Variants in ZMYND11 observed in about 807,000 individuals in gnomAD.
ZMYND11 encodes the protein zinc finger MYND domain-containing protein 11.
In ZMYND11, 9 loss-of-function variants were observed where a neutral mutation model predicts 84.9. The observed-to-expected ratio is 0.11, with a 90% CI of 0.06 to 0.18. The LOEUF (loss-of-function observed/expected upper bound fraction) is 0.18. Among genes scored for constraint, ZMYND11 ranks in the 10% least tolerant of loss-of-function variants. ZMYND11 has a pLI of 1.00. For synonymous variants in ZMYND11, 250 were observed against 244.1 expected, an observed-to-expected ratio of 1.02 and a Z score of -0.23; for missense variants, 409 against 761.0, an observed-to-expected ratio of 0.54 and a Z score of 5.44.
At chr10:144,364 G>A (rs34679544) in intron 1 of ZMYND11, among the ~76,000 whole-genome samples, 5,564 of 152,062 alleles carry the variant, frequency 0.037, 166 homozygotes, top group Middle Eastern at 0.068. Context: ...GACTATAGGC[G>A]CATGCCACCA....
intron 14 of ZMYND11, chr10:249,769 CTA>C (rs1320348236): frequency 1.0e-6 from 1 of 984,758 alleles, no homozygotes; most frequent in Non-Finnish European, 1.2e-6. Context: ...TAATAAATGA[CTA>C]TATAAAGTTT....
At chr10:219,872 T>G (rs1322205544) in intron 3 of ZMYND11, among the ~76,000 whole-genome samples, 1 of 152,188 alleles carries the variant, frequency 6.6e-6, no homozygotes, top group South Asian at 2.1e-4. Context: ...GACTGCCAAT[T>G]TCTTAATAAA....
intron 5 of ZMYND11, 120 bp downstream of exon 5, chr10:237,035 G>T (rs1950107319): frequency 2.3e-6 from 2 of 867,746 alleles, no homozygotes; most frequent in African/African-American, 1.7e-5. Flanking sequence ...GAAGTGTGGA[G>T]AGCACCCCGT....
At chr10:144,710 A>G (rs1838317934) in intron 1 of ZMYND11, among the ~76,000 whole-genome samples, 1 of 128,804 alleles carries the variant, frequency 7.8e-6, no homozygotes, top group Admixed American at 8.5e-5. Context: ...CTGGGCTCTA[A>G]TTTTTTATTT....
Position 240,078 on chromosome 10 carries a change from T to C in ZMYND11, c.720T>C (p.Ile240=). 6.2e-7 allele frequency: 1 copy of C among 1,612,354 alleles called. No individual in the cohort carries two copies. The highest frequency in any genetic ancestry group is 8.5e-7 in the Non-Finnish European group (1 of 1,179,090). ...CAGCAGACAGTGAGCAAGCTGACATTGCGAGGATGCTATATAAAGACACAT... is the reference window on the plus strand; with the variant it reads ...CAGCAGACAGTGAGCAAGCTGACATCGCGAGGATGCTATATAAAGACACAT... ...FYGADSEQAD[I]ARMLYKDTCH... The change falls in exon 8 of 15, where the codon ATT becomes ATC. Residue 240 remains isoleucine, a synonymous_variant. Coordinates refer to ENST00000381604, the MANE Select transcript of ZMYND11 (RefSeq NM_001370100.5).
At chr10:172,656 A>G (rs945349615) in intron 1 of ZMYND11, among the ~76,000 whole-genome samples, 1 of 152,176 alleles carries the variant, frequency 6.6e-6, no homozygotes, top group African/African-American at 2.4e-5. Context: ...AATATTGTCA[A>G]GATGTCCATT....
intron 1 of ZMYND11, among the ~76,000 whole-genome samples, chr10:165,043 C>G (rs1554763318): frequency 6.6e-6 from 1 of 152,060 alleles, no homozygotes; most frequent in Non-Finnish European, 1.5e-5. Flanking sequence ...TTTCCGGCTA[C>G]TTTTCCATCT....
intron 2 of ZMYND11, among the ~76,000 whole-genome samples, chr10:188,381 G>A (rs984116688): frequency 6.6e-6 from 1 of 151,410 alleles, no homozygotes; most frequent in Non-Finnish European, 1.5e-5. Context: ...GAGCTCAGGA[G>A]CTTCAAAACC....
intron 1 of ZMYND11, among the ~76,000 whole-genome samples, chr10:158,412 C>CT (rs372896551): frequency 0.011 from 1,577 of 142,538 alleles, 25 homozygotes; most frequent in African/African-American, 0.029. Context: ...TTGTCTTTTC[C>CT]TTTTTTTTTT....
chr10:154,598 T>A (rs1261653149), intron 1 of ZMYND11, among the ~76,000 whole-genome samples: 1 of 152,136 alleles, frequency 6.6e-6, no homozygotes, highest in Non-Finnish European at 1.5e-5. Flanking sequence ...CCATGAGGGT[T>A]GATTTTGGGA....
intron 2 of ZMYND11, among the ~76,000 whole-genome samples, chr10:202,796 C>T (rs547507402): frequency 9.9e-5 from 15 of 152,224 alleles, no homozygotes; most frequent in Non-Finnish European, 1.8e-4. Context: ...CTTTATTTCA[C>T]TTTAAAATAA....
At chr10:188,389 A>T (rs1465234968) in intron 2 of ZMYND11, among the ~76,000 whole-genome samples, 1 of 151,618 alleles carries the variant, frequency 6.6e-6, no homozygotes, top group African/African-American at 2.4e-5. Flanking sequence ...GAGCTTCAAA[A>T]CCAGCCTGGG....
intron 1 of ZMYND11, among the ~76,000 whole-genome samples, chr10:146,694 T>C (rs778950099): frequency 6.6e-6 from 1 of 152,238 alleles, no homozygotes; most frequent in African/African-American, 2.4e-5. Context: ...GGTTTGGCCA[T>C]GTCCCCTCCG....
intron 4 of ZMYND11, among the ~76,000 whole-genome samples, chr10:235,346 C>T (rs1949766946): frequency 1.3e-5 from 2 of 152,024 alleles, no homozygotes; most frequent in Admixed American, 6.6e-5. Flanking sequence ...ATTTTAAATT[C>T]AGTTAAGTTC....
At chr10:189,396 T>C (rs1001115593) in intron 2 of ZMYND11, among the ~76,000 whole-genome samples, 3 of 152,228 alleles carry the variant, frequency 2.0e-5, no homozygotes, top group African/African-American at 7.2e-5. Context: ...AGAATAGCCA[T>C]TGCCTAAGTT....
At chr10:218,193 C>T (rs1195653226) in intron 3 of ZMYND11, among the ~76,000 whole-genome samples, 1 of 151,940 alleles carries the variant, frequency 6.6e-6, no homozygotes, top group East Asian at 1.9e-4. Context: ...TTCTCTATGT[C>T]CATTTGTAGC....
chr10:230,953 A>T (rs1426758578), intron 4 of ZMYND11, among the ~76,000 whole-genome samples: 1 of 152,222 alleles, frequency 6.6e-6, no homozygotes, highest in South Asian at 2.1e-4. Context: ...TCTAGGGGTC[A>T]ACCTGTGTAT....
chr10:246,794 G>T lies in ZMYND11; in HGVS notation c.979G>T (p.Asp327Tyr). The change falls in exon 11 of 15, where the codon GAT becomes TAT. Residue 327 changes from aspartate to tyrosine, a missense_variant. Around this residue, in one of 7 missense-constraint regions of ZMYND11, gnomAD observed 48 missense variants for 61.1 expected, o/e 0.79. Transcript: ENST00000381604. ...CTGGATTCCTTCTGAAAACATTCAA[G>T]ATATCACAGTCAACATTCATCGGCT... ...RAWIPSENIQ[D>Y]ITVNIHRLHV... The T allele has an allele frequency of 6.2e-7, 1 of 1,614,126 alleles. No homozygotes were observed. The highest frequency in any genetic ancestry group is 1.7e-5 in the Admixed American group (1 of 60,014).
intron 1 of ZMYND11, among the ~76,000 whole-genome samples, chr10:164,201 T>A (rs1225183801): frequency 6.6e-6 from 1 of 152,180 alleles, no homozygotes; most frequent in Non-Finnish European, 1.5e-5. Context: ...CTTTTCATAG[T>A]TCTGTTTACC....
Sources: gnomAD v4.1 joint callset for allele counts (sites outside exome capture counted in the v4.1 genomes callset) on GRCh38, gnomAD v4.1.1 for gene constraint, gnomAD v4.1.1 regional missense constraint, MANE v1.5 for transcripts, NCBI Gene and HGNC (gene_info 2026-07-23, HGNC 2026-07-21) for gene names.